Variants in HEMK2 observed in about 807,000 individuals in gnomAD.
HEMK2 encodes the protein HemK methyltransferase 2, ETF1 glutamine and histone H4 lysine.
At chr21:28,666,020 T>C in the HEMK2 span, among the ~76,000 whole-genome samples, 3 of 152,210 alleles carry the variant, frequency 2.0e-5, no homozygotes, top group Non-Finnish European at 4.4e-5. Context: ...TTTTCTAATA[T>C]TATTAATAAA....
At chr21:28,683,677 T>G in the HEMK2 span, among the ~76,000 whole-genome samples, 1 of 152,330 alleles carries the variant, frequency 6.6e-6, no homozygotes, top group Non-Finnish European at 1.5e-5. Context: ...CTGAAAGTCT[T>G]AATACAATTT....
chr21:28,691,479 G>A, the HEMK2 span, among the ~76,000 whole-genome samples: 1 of 152,076 alleles, frequency 6.6e-6, no homozygotes, highest in Non-Finnish European at 1.5e-5. Context: ...GGTTTCTGAA[G>A]CCTTTTCTCA....
At chr21:28,694,985 G>A in the HEMK2 span, among the ~76,000 whole-genome samples, 6 of 146,836 alleles carry the variant, frequency 4.1e-5, no homozygotes, top group Non-Finnish European at 7.4e-5. Flanking sequence ...GCAACAGAGC[G>A]AGACTCTGTC....
chr21:28,698,308 T>C, the HEMK2 span, among the ~76,000 whole-genome samples: 35 of 152,274 alleles, frequency 2.3e-4, 1 homozygote, highest in African/African-American at 7.0e-4. Flanking sequence ...TTTAACTCAA[T>C]TTTCTCATAA....
the HEMK2 span, among the ~76,000 whole-genome samples, chr21:28,710,949 T>C: frequency 1.2e-4 from 19 of 152,154 alleles, no homozygotes; most frequent in African/African-American, 4.3e-4. Context: ...CCTCCCATAT[T>C]CCATAAGATT....
chr21:28,709,148 C>T, the HEMK2 span, among the ~76,000 whole-genome samples: 2,867 of 152,250 alleles, frequency 0.019, 92 homozygotes, highest in African/African-American at 0.064. Flanking sequence ...GTGACCTAAT[C>T]GCCACCCAAA....
chr21:28,796,378 G>C, the HEMK2 span, among the ~76,000 whole-genome samples: 1 of 152,198 alleles, frequency 6.6e-6, no homozygotes, highest in Non-Finnish European at 1.5e-5. Flanking sequence ...GACCTCAGGT[G>C]ATCTGTCTGC....
chr21:28,677,393 G>A, the HEMK2 span, among the ~76,000 whole-genome samples: 18 of 152,310 alleles, frequency 1.2e-4, no homozygotes, highest in Middle Eastern at 3.4e-3. Flanking sequence ...TAAACAAAGC[G>A]GCTGGGAAGC....
chr21:28,853,921 G>C, the HEMK2 span, among the ~76,000 whole-genome samples: 1 of 152,148 alleles, frequency 6.6e-6, no homozygotes, highest in African/African-American at 2.4e-5. Flanking sequence ...TAGACACCTG[G>C]TGAGGTTGTA....
chr21:28,834,439 G>T, the HEMK2 span, among the ~76,000 whole-genome samples: 1 of 152,184 alleles, frequency 6.6e-6, no homozygotes, highest in African/African-American at 2.4e-5. Context: ...TTTACCTGAA[G>T]CTGAGTCAAT....
chr21:28,668,721 C>G, the HEMK2 span, among the ~76,000 whole-genome samples: 1 of 152,174 alleles, frequency 6.6e-6, no homozygotes, highest in African/African-American at 2.4e-5. Context: ...CCATCAAATT[C>G]AAGACATATA....
the HEMK2 span, among the ~76,000 whole-genome samples, chr21:28,762,249 C>A: frequency 1.3e-5 from 2 of 152,090 alleles, no homozygotes; most frequent in East Asian, 3.9e-4. Flanking sequence ...TTACCCACAT[C>A]ACTTGCTATT....
chr21:28,810,054 A>G, the HEMK2 span, among the ~76,000 whole-genome samples: 3 of 152,206 alleles, frequency 2.0e-5, no homozygotes, highest in African/African-American at 7.2e-5. Flanking sequence ...CTCCATGGCC[A>G]TGGAGTATCC....
chr21:28,575,786 T>G, the HEMK2 span, among the ~76,000 whole-genome samples: 2 of 152,228 alleles, frequency 1.3e-5, no homozygotes, highest in Non-Finnish European at 2.9e-5. Flanking sequence ...CACTCCATAC[T>G]GCCTCAAAGG....
chr21:28,850,150 A>G, the HEMK2 span, among the ~76,000 whole-genome samples: 39,232 of 151,438 alleles, frequency 0.26, 5,829 homozygotes, highest in African/African-American at 0.4. Flanking sequence ...ATCCTGTCAG[A>G]TGAACAGCCA....
chr21:28,686,043 C>A, the HEMK2 span, among the ~76,000 whole-genome samples: 2 of 152,118 alleles, frequency 1.3e-5, no homozygotes, highest in Non-Finnish European at 1.5e-5. Flanking sequence ...CTACTTTGAG[C>A]TATTAGAAAC....
the HEMK2 span, among the ~76,000 whole-genome samples, chr21:28,854,507 T>C: frequency 2.7e-5 from 4 of 146,986 alleles, no homozygotes; most frequent in African/African-American, 5.0e-5. Context: ...TCTATATCTA[T>C]AGATATACAT....
chr21:28,869,715 A>T, the HEMK2 span, among the ~76,000 whole-genome samples: 115 of 152,338 alleles, frequency 7.5e-4, 1 homozygote, highest in African/African-American at 2.6e-3. Flanking sequence ...TCTCCGAATG[A>T]CTAAATGGAA....
At chr21:28,850,338 C>T in the HEMK2 span, among the ~76,000 whole-genome samples, 1 of 150,842 alleles carries the variant, frequency 6.6e-6, no homozygotes. Context: ...CATTCTCCTG[C>T]CTCAGCCTCC....
Sources: gnomAD v4.1 joint callset for allele counts (sites outside exome capture counted in the v4.1 genomes callset) on GRCh38, gnomAD v4.1.1 for gene constraint, MANE v1.5 for transcripts, NCBI Gene and HGNC (gene_info 2026-07-23, HGNC 2026-07-21) for gene names.